The following MTFR1 variants were observed in gnomAD, a reference collection of about 807,000 sequenced individuals.
MTFR1 encodes chondrocyte protein with a poly-proline region.
Under a neutral mutation model 38.8 loss-of-function variants are expected in MTFR1, and 28 were observed. That is an observed-to-expected ratio of 0.72 (90% CI 0.53 to 0.99). MTFR1 has a LOEUF of 0.99. Among genes scored for constraint, MTFR1 ranks in the 50% least tolerant of loss-of-function variants. The probability of loss-of-function intolerance (pLI) is 0.00; values close to 1 mark genes in which losing one functional copy is unlikely to be tolerated. For missense variants in MTFR1, 358 were observed against 395.5 expected (o/e 0.91, Z 0.81); for synonymous variants, 145 against 137.0 (o/e 1.06, Z -0.41).
Position 65,709,169 on chromosome 8 carries a change from A to G in MTFR1, c.*125A>G. ...TATTCAGTGGTCTTCTTTTCAGGCT[A>G]ATTAGTGGATTAAGCAATAATGAAA... On this transcript the variant is annotated 3_prime_UTR_variant, in exon 8 of 8. Transcript: ENST00000262146. The G allele has an allele frequency of 1.1e-6, 1 of 872,080 alleles. No homozygotes were observed. Among genetic ancestry groups the G allele is most frequent in the Non-Finnish European group, 1.9e-6 (1 of 539,770 alleles). 54.0% of individuals were successfully genotyped at this position (872,080 alleles called of 1,614,324 possible).
At chr8:65,689,085 C>G (rs1282514673) in intron 3 of MTFR1, among the ~76,000 whole-genome samples, 5 of 152,162 alleles carry the variant, frequency 3.3e-5, no homozygotes, top group Non-Finnish European at 5.9e-5. Context: ...GTGGAGGTTA[C>G]AGTGAACTGA....
intron 3 of MTFR1, among the ~76,000 whole-genome samples, chr8:65,757,610 T>C (rs1441013510): frequency 1.3e-5 from 2 of 151,002 alleles, no homozygotes; most frequent in South Asian, 2.1e-4. Flanking sequence ...GTTTTTGTTT[T>C]GTTTTGTTTT....
rs201973172 is a variant in MTFR1, at chr8:65,670,018, G to A, written c.66G>A (p.Ser22=). The A allele has an allele frequency of 1.8e-5, 28 of 1,590,904 alleles. No homozygotes were observed. Among genetic ancestry groups the A allele is most frequent in the African/African-American group, 2.7e-5 (2 of 73,364 alleles). The part of the protein sequence containing the change: ...VFQQVGVSMQ[S]VLWSRKPYGS... ...AACAAGTTGGAGTAAGCATGCAATC[G>A]GTGAGTGCTCAAAATTCATTTTTTA... Residue 22 remains serine (S), a splice_region_variant and synonymous_variant, in exon 2 of 8, where the codon TCG becomes TCA. Transcript: ENST00000262146.
chr8:65,658,320 C>A (rs542155810), intron 1 of MTFR1, among the ~76,000 whole-genome samples: 41 of 152,260 alleles, frequency 2.7e-4, no homozygotes, highest in African/African-American at 9.9e-4. Context: ...TTTATTATAA[C>A]TATCTCAAAA....
chr8:65,682,738 TAGGC>T (rs1804939562), intron 3 of MTFR1: 2 of 984,262 alleles, frequency 2.0e-6, no homozygotes, highest in South Asian at 9.4e-5. Context: ...ACCTCAAACA[TAGGC>T]TTTATATTAT....
At chr8:65,705,263 C>T (rs997199694) in intron 5 of MTFR1, among the ~76,000 whole-genome samples, 3 of 152,122 alleles carry the variant, frequency 2.0e-5, no homozygotes, top group African/African-American at 7.2e-5. Context: ...GGTGGAGAAC[C>T]AAGTGAGCCA....
chr8:65,736,790 GTTTT>G (rs34814975), intron 3 of MTFR1, among the ~76,000 whole-genome samples: 2 of 128,816 alleles, frequency 1.6e-5, no homozygotes, highest in Non-Finnish European at 3.2e-5. Flanking sequence ...AAATTTATCT[GTTTT>G]TTTTTTTTTT....
downstream of MTFR1, among the ~76,000 whole-genome samples, chr8:65,773,160 C>T (rs1809161016): frequency 6.6e-6 from 1 of 152,148 alleles, no homozygotes. Flanking sequence ...GTGCTCATTT[C>T]TCTGATTAGA....
At chr8:65,699,715 G>A (rs888090648) in intron 4 of MTFR1, among the ~76,000 whole-genome samples, 2 of 152,284 alleles carry the variant, frequency 1.3e-5, no homozygotes, top group South Asian at 2.1e-4. Context: ...AGTGGGAGCC[G>A]CAAGTTAGTC....
rs899094015 is a variant in MTFR1 at position 65,760,617 on chromosome 8, A to T, written c.*49-10330A>T. On this transcript the variant is annotated intron_variant, in intron 3 of 3. Transcript: ENST00000521247. The stretch of plus-strand genomic sequence containing the variant: ...TCTAAGAAAAGGGATCAAGAACTAT[A>T]AATCAAGGATAAAACATGATGAGAT... 2.6e-5 allele frequency among the ~76,000 whole-genome samples: 4 copies of T among 152,206 alleles called. 1 individual carries two copies. Among genetic ancestry groups the T allele is most frequent in the African/African-American group, 9.7e-5 (4 of 41,446 alleles).
intron 3 of MTFR1, among the ~76,000 whole-genome samples, chr8:65,730,612 G>A (rs1454162136): frequency 6.6e-6 from 1 of 152,086 alleles, no homozygotes; most frequent in Non-Finnish European, 1.5e-5. Context: ...AAGGTTGGCG[G>A]CCACTGCTCT....
chr8:65,730,202 T>TG (rs1806813467), intron 3 of MTFR1, among the ~76,000 whole-genome samples: 2 of 132,294 alleles, frequency 1.5e-5, no homozygotes, highest in African/African-American at 5.9e-5. Context: ...TTTTTTGAGA[T>TG]GGAGTTTCGC....
chr8:65,676,381 T>C (rs2129052435), intron 2 of MTFR1, among the ~76,000 whole-genome samples: 1 of 152,346 alleles, frequency 6.6e-6, no homozygotes, highest in South Asian at 2.1e-4. Context: ...TTGTTTGTTC[T>C]TTGAGACGAA....
chr8:65,685,452 C>T (rs1214969266), intron 3 of MTFR1, among the ~76,000 whole-genome samples: 1 of 152,190 alleles, frequency 6.6e-6, no homozygotes, highest in African/African-American at 2.4e-5. Flanking sequence ...TCACATTTTT[C>T]TCTCTGGTAA....
chr8:65,774,375 A>G (rs536014157), downstream of MTFR1, among the ~76,000 whole-genome samples: 77 of 152,276 alleles, frequency 5.1e-4, 1 homozygote, highest in African/African-American at 1.7e-3. Flanking sequence ...CCTCTTTATA[A>G]TCAGAAAGTT....
At chr8:65,649,473 C>T (rs974752812) in intron 1 of MTFR1, among the ~76,000 whole-genome samples, 9 of 152,050 alleles carry the variant, frequency 5.9e-5, no homozygotes, top group Admixed American at 1.3e-4. Flanking sequence ...TGTGAGCCAC[C>T]GCGCCTGGCC....
intron 3 of MTFR1, among the ~76,000 whole-genome samples, chr8:65,769,694 G>A (rs1230671066): frequency 6.6e-6 from 1 of 152,004 alleles, no homozygotes; most frequent in Admixed American, 6.6e-5. Context: ...TCAGGAGTTT[G>A]ACACCAGCCT....
At chr8:65,706,875 T>G in intron 5 of MTFR1, 135 bp from the exon 6 acceptor site, 3 of 949,586 alleles carry the variant, frequency 3.2e-6, no homozygotes, top group Non-Finnish European at 4.6e-6. Flanking sequence ...ACTGTCTTGC[T>G]TCTTACATAA....
At chr8:65,754,202 T>C (rs1227391903) in intron 3 of MTFR1, among the ~76,000 whole-genome samples, 1 of 152,078 alleles carries the variant, frequency 6.6e-6, no homozygotes, top group Non-Finnish European at 1.5e-5. Context: ...GTTTTTCTGC[T>C]TGCTTTATAG....
Sources: allele counts gnomAD v4.1 joint callset (sites outside exome capture counted in the v4.1 genomes callset), GRCh38; gene constraint gnomAD v4.1.1; transcripts MANE v1.5; gene names NCBI Gene and HGNC (gene_info 2026-07-23, HGNC 2026-07-21).